FRMPD4: variants seen among roughly 807,000 people sequenced by gnomAD.
FRMPD4 encodes FERM and PDZ domain-containing protein 4.
Under a neutral mutation model 94.1 loss-of-function variants are expected in FRMPD4, and 22 were observed. The observed-to-expected ratio is 0.23, with a 90% CI of 0.17 to 0.33. The LOEUF (loss-of-function observed/expected upper bound fraction) is 0.33. FRMPD4 is among the 10% of genes least tolerant of loss of function. The pLI is 1.00. For missense variants in FRMPD4, 1,111 were observed against 1,339.9 expected, an observed-to-expected ratio of 0.83 and a Z score of 2.67; for synonymous variants, 631 against 548.6, an observed-to-expected ratio of 1.15 and a Z score of -2.10.
At chrX:12,609,567 T>G (rs1239020206) in intron 2 of FRMPD4, among the ~76,000 whole-genome samples, 154 bp from the exon 3 acceptor site, 1 of 112,003 alleles carries the variant, frequency 8.9e-6, no homozygotes, top group Non-Finnish European at 1.9e-5. Flanking sequence ...CTGGCCCAAG[T>G]AGGCCACGAA....
Position 12,717,888 on chromosome X carries a change from A to T in FRMPD4, c.3062A>T (p.Tyr1021Phe), listed in dbSNP as rs2042126456. 8.3e-7 allele frequency: 1 copy of T among 1,210,003 alleles called. No individual in the cohort carries two copies. Among genetic ancestry groups the T allele is most frequent in the African/African-American group, 1.7e-5 (1 of 57,210 alleles). The change falls in exon 16 of 17, where the codon TAC (tyrosine) becomes TTC (phenylalanine). Residue 1021 changes from tyrosine to phenylalanine, a missense_variant. Physicochemically the swap from Tyr to Phe is conservative, Grantham distance 22. Transcript: ENST00000675598. ...FSKLHMGSVA[Y>F]SCTSKRKSKL... ...AAACTGCACATGGGGTCGGTGGCAT[A>T]CTCCTGCACTAGCAAAAGGAAAAGC...
At chrX:11,974,746 T>C (rs749625625) in intron 3 of FRMPD4, among the ~76,000 whole-genome samples, 1 of 111,743 alleles carries the variant, frequency 8.9e-6, no homozygotes, top group East Asian at 2.8e-4. Flanking sequence ...TCCTTGGAAA[T>C]CTGAAGTTAT....
At chrX:12,464,270 T>C (rs1393814569) in intron 1 of FRMPD4, among the ~76,000 whole-genome samples, 1 of 111,861 alleles carries the variant, frequency 8.9e-6, no homozygotes, top group Non-Finnish European at 1.9e-5. Flanking sequence ...GATGTGAGAC[T>C]GCCAGTGGAC....
intron 9 of FRMPD4, among the ~76,000 whole-genome samples, chrX:12,701,578 G>A (rs899542153): frequency 1.8e-5 from 2 of 111,901 alleles, no homozygotes; most frequent in African/African-American, 3.3e-5. Context: ...ATTCAACTGC[G>A]GCACCTGTGT....
intron 1 of FRMPD4, among the ~76,000 whole-genome samples, chrX:12,410,223 G>A (rs2056715173): frequency 9.0e-6 from 1 of 111,038 alleles, no homozygotes; most frequent in African/African-American, 3.3e-5. Flanking sequence ...CCATTTACAC[G>A]CCCAGGTAAT....
intron 1 of FRMPD4, among the ~76,000 whole-genome samples, chrX:12,319,331 C>A (rs1312313564): frequency 8.9e-6 from 1 of 112,364 alleles, no homozygotes; most frequent in Non-Finnish European, 1.9e-5. Context: ...TTCTCATACG[C>A]AGCTGCATTT....
intron 3 of FRMPD4, among the ~76,000 whole-genome samples, chrX:12,124,934 T>C (rs963834314): frequency 8.9e-6 from 1 of 112,085 alleles, no homozygotes; most frequent in African/African-American, 3.2e-5. Flanking sequence ...CCAAGCCCAC[T>C]GCTCATTTAA....
chrX:12,332,201 TATATATAGAGAG>T (rs1010998750), intron 1 of FRMPD4, among the ~76,000 whole-genome samples: 7 of 67,862 alleles, frequency 1.0e-4, no homozygotes, highest in African/African-American at 4.2e-4. Context: ...TATATATATA[TATATATAGAGAG>T]AGAGAGAGAG....
chrX:11,834,522 A>T (rs2053491456), intron 1 of FRMPD4, among the ~76,000 whole-genome samples: 1 of 111,545 alleles, frequency 9.0e-6, no homozygotes, highest in African/African-American at 3.3e-5. Context: ...TGCCCCATGA[A>T]AATTATCTTG....
At chrX:12,234,197 C>T (rs1441002114) in intron 1 of FRMPD4, among the ~76,000 whole-genome samples, 7 of 110,769 alleles carry the variant, frequency 6.3e-5, no homozygotes, top group Admixed American at 1.9e-4. Context: ...TGTGTGCATG[C>T]GCACAACCAG....
At chrX:11,880,321 AAC>A (rs1170065730) in intron 3 of FRMPD4, among the ~76,000 whole-genome samples, 1 of 111,749 alleles carries the variant, frequency 8.9e-6, no homozygotes, top group Non-Finnish European at 1.9e-5. Flanking sequence ...AATTTCTCCT[AAC>A]ACAGTGCCTG....
chrX:12,117,131 T>C (rs906834123), intron 3 of FRMPD4, among the ~76,000 whole-genome samples: 1 of 111,840 alleles, frequency 8.9e-6, no homozygotes, highest in Non-Finnish European at 1.9e-5. Flanking sequence ...AATTAGAAGT[T>C]GCCAAAGTCA....
chrX:12,530,013 C>T (rs1267818048), intron 2 of FRMPD4, among the ~76,000 whole-genome samples: 2 of 111,155 alleles, frequency 1.8e-5, no homozygotes, highest in Non-Finnish European at 3.8e-5. Flanking sequence ...CCAAAGGCCC[C>T]ACATCTTAAT....
At chrX:11,897,950 G>A (rs2053913280) in intron 3 of FRMPD4, among the ~76,000 whole-genome samples, 1 of 111,891 alleles carries the variant, frequency 8.9e-6, no homozygotes, top group Admixed American at 9.4e-5. Context: ...TCAGGGCAGG[G>A]CTCCCTGAAA....
chrX:11,963,845 G>T (rs1276824768), intron 3 of FRMPD4, among the ~76,000 whole-genome samples: 2 of 111,439 alleles, frequency 1.8e-5, no homozygotes, highest in African/African-American at 6.5e-5. Context: ...TGGGGGTAGG[G>T]GATTGATAGG....
chrX:12,155,119 C>T (rs957381904), intron 1 of FRMPD4, among the ~76,000 whole-genome samples: 2 of 111,865 alleles, frequency 1.8e-5, no homozygotes, highest in Non-Finnish European at 3.8e-5. Flanking sequence ...TTCACAGAGG[C>T]CCAAACACTC....
chrX:12,347,223 C>T (rs1446387978), intron 1 of FRMPD4, among the ~76,000 whole-genome samples: 3 of 110,826 alleles, frequency 2.7e-5, no homozygotes, highest in Non-Finnish European at 3.8e-5. Context: ...TTATAATATC[C>T]AGAAGTTTTA....
At chrX:12,410,868 C>T (rs910511922) in intron 1 of FRMPD4, among the ~76,000 whole-genome samples, 1 of 111,653 alleles carries the variant, frequency 9.0e-6, no homozygotes, top group Middle Eastern at 4.6e-3. Context: ...ATTGTCTCTT[C>T]TAGACTTAGA....
At chrX:12,500,336 G>C (rs1483609518) in intron 2 of FRMPD4, among the ~76,000 whole-genome samples, 1 of 111,892 alleles carries the variant, frequency 8.9e-6, no homozygotes, top group Non-Finnish European at 1.9e-5. Context: ...TGCCAAGATT[G>C]TTTCTAGGGG....
Sources: gnomAD v4.1 joint callset for allele counts (sites outside exome capture counted in the v4.1 genomes callset) on GRCh38, gnomAD v4.1.1 for gene constraint, MANE v1.5 for transcripts, NCBI Gene and HGNC (gene_info 2026-07-23, HGNC 2026-07-21) for gene names.